NALF1: variants seen among roughly 807,000 people sequenced by gnomAD.
NALF1 encodes the protein family with sequence similarity 155 member A.
Under a neutral mutation model 48.4 loss-of-function variants are expected in NALF1, and 3 were observed. That is an observed-to-expected ratio of 0.06 (90% confidence interval 0.03 to 0.16). NALF1 has a LOEUF of 0.16. Ranked by LOEUF, NALF1 falls within the 10% of genes least tolerant of loss-of-function variation. The pLI, the probability that NALF1 is intolerant of heterozygous loss-of-function variation, is 1.00. For synonymous variants in NALF1, 262 were observed against 245.7 expected, an observed-to-expected ratio of 1.07 and a Z score of -0.62; for missense variants, 526 against 571.5, an observed-to-expected ratio of 0.92 and a Z score of 0.81.
At chr13:107,264,233 A>C (rs1170929292) in intron 1 of NALF1, among the ~76,000 whole-genome samples, 1 of 152,230 alleles carries the variant, frequency 6.6e-6, no homozygotes, top group African/African-American at 2.4e-5. Context: ...CTTAATAATT[A>C]TCATGGTCAT....
chr13:107,855,097 G>C (rs147051353), intron 1 of NALF1, among the ~76,000 whole-genome samples: 1 of 152,108 alleles, frequency 6.6e-6, no homozygotes, highest in Admixed American at 6.5e-5. Flanking sequence ...GAGGCGTTTC[G>C]CTGACAGAAA....
Position 107,440,932 on chromosome 13 carries a change from T to C in NALF1, c.916-230177A>G, listed in dbSNP as rs138987061. ...AAATAAACAAGACCGCCCCTCTCTTTAACCAAAGCAAGCTGGTCACGAGAT... is the reference window on the plus strand; with the variant it reads ...AAATAAACAAGACCGCCCCTCTCTTCAACCAAAGCAAGCTGGTCACGAGAT... On this transcript the variant is annotated intron_variant, in intron 1 of 2. Transcript: ENST00000375915. Among the ~76,000 whole-genome samples the C allele has an allele frequency of 7.0e-4, 107 of 152,288 alleles. No homozygotes were observed. In the South Asian group the frequency reaches 0.017, roughly 24 times the overall value.
chr13:107,482,999 C>T (rs1049588433), intron 1 of NALF1, among the ~76,000 whole-genome samples: 6 of 152,110 alleles, frequency 3.9e-5, no homozygotes, highest in South Asian at 2.1e-4. Flanking sequence ...CCCAGAATGA[C>T]GCAGCCCTGG....
At chr13:107,221,291 T>G (rs1594076597) in intron 1 of NALF1, among the ~76,000 whole-genome samples, 1 of 151,780 alleles carries the variant, frequency 6.6e-6, no homozygotes, top group Non-Finnish European at 1.5e-5. Flanking sequence ...ATTTAAAAAA[T>G]TCAAGGCCAG....
chr13:107,224,390 C>G (rs1226209467), intron 1 of NALF1, among the ~76,000 whole-genome samples: 1 of 149,866 alleles, frequency 6.7e-6, no homozygotes, highest in Non-Finnish European at 1.5e-5. Context: ...ATTGTATATA[C>G]AAATGATACC....
chr13:107,479,243 C>T (rs1434839788), intron 1 of NALF1, among the ~76,000 whole-genome samples: 2 of 152,094 alleles, frequency 1.3e-5, no homozygotes, highest in Admixed American at 6.6e-5. Flanking sequence ...TCTGCATTGG[C>T]AGTGCAAAGC....
intron 1 of NALF1, among the ~76,000 whole-genome samples, chr13:107,743,068 G>A (rs1456307297): frequency 6.6e-6 from 1 of 152,176 alleles, no homozygotes; most frequent in Non-Finnish European, 1.5e-5. Flanking sequence ...TAGGCTGGGA[G>A]GCCTGGGAGT....
chr13:107,584,778 G>A (rs943013125), intron 1 of NALF1, among the ~76,000 whole-genome samples: 7 of 152,082 alleles, frequency 4.6e-5, no homozygotes, highest in African/African-American at 9.7e-5. Context: ...CTCACTCCAC[G>A]TGAAGCCCAC....
chr13:107,285,947 A>T (rs1594104396), intron 1 of NALF1, among the ~76,000 whole-genome samples: 1 of 152,194 alleles, frequency 6.6e-6, no homozygotes, highest in Admixed American at 6.5e-5. Flanking sequence ...GCATTCTGGG[A>T]GTCCAAAATG....
At chr13:107,815,854 G>A (rs67946389) in intron 1 of NALF1, among the ~76,000 whole-genome samples, 12,998 of 152,062 alleles carry the variant, frequency 0.085, 845 homozygotes, top group East Asian at 0.39. Flanking sequence ...ATGGACCTTG[G>A]AAACATCAAG....
intron 1 of NALF1, among the ~76,000 whole-genome samples, chr13:107,423,157 T>G (rs1285369466): frequency 1.3e-5 from 2 of 152,226 alleles, no homozygotes; most frequent in Non-Finnish European, 2.9e-5. Context: ...TGTTCACATT[T>G]GGGATATGAA....
intron 1 of NALF1, among the ~76,000 whole-genome samples, chr13:107,479,220 A>G (rs1401553317): frequency 6.6e-6 from 1 of 152,080 alleles, no homozygotes; most frequent in Non-Finnish European, 1.5e-5. Flanking sequence ...GTTTTTCCTG[A>G]ACATTGGAAA....
At chr13:107,668,021 T>G (rs972052802) in intron 1 of NALF1, among the ~76,000 whole-genome samples, 1 of 152,134 alleles carries the variant, frequency 6.6e-6, no homozygotes, top group Non-Finnish European at 1.5e-5. Flanking sequence ...TGTGGAAATT[T>G]ATATCAATTA....
chr13:107,621,852 C>G (rs147670384), intron 1 of NALF1, among the ~76,000 whole-genome samples: 49 of 152,260 alleles, frequency 3.2e-4, no homozygotes, highest in African/African-American at 1.1e-3. Context: ...AAGCTTAAGT[C>G]TAGATAACTG....
intron 1 of NALF1, among the ~76,000 whole-genome samples, chr13:107,759,460 G>A (rs772293354): frequency 2.0e-5 from 3 of 152,022 alleles, no homozygotes; most frequent in Non-Finnish European, 4.4e-5. Flanking sequence ...CACCCACCTC[G>A]CCTTCCCACA....
rs536719411 is a variant in NALF1, at chr13:107,311,900, A to T, written c.916-101145T>A. Among the ~76,000 whole-genome samples, 3 of 152,284 alleles carry T rather than the reference A, an allele frequency of 2.0e-5. No individual in the cohort carries two copies. In the South Asian group the frequency reaches 6.2e-4, roughly 32 times the overall value. On this transcript the variant is annotated intron_variant, in intron 1 of 2. Coordinates refer to ENST00000375915, the MANE Select transcript of NALF1 (RefSeq NM_001080396.3). ...CCATCTCACACCAGTTAGAATGGCC[A>T]TCATTAAAAAGTCAGGAAACAACAG...
intron 1 of NALF1, among the ~76,000 whole-genome samples, chr13:107,708,940 A>G (rs1875484167): frequency 6.6e-6 from 1 of 152,118 alleles, no homozygotes; most frequent in South Asian, 2.1e-4. Flanking sequence ...TAACTAGCTC[A>G]TTTTTCCATT....
At chr13:107,519,958 A>G (rs1446559485) in intron 1 of NALF1, among the ~76,000 whole-genome samples, 1 of 152,214 alleles carries the variant, frequency 6.6e-6, no homozygotes, top group Non-Finnish European at 1.5e-5. Flanking sequence ...AATATCTTGC[A>G]TTAATTTTTA....
At chr13:107,186,242 T>C (rs1437754854) in intron 2 of NALF1, among the ~76,000 whole-genome samples, 1 of 152,148 alleles carries the variant, frequency 6.6e-6, no homozygotes, top group East Asian at 1.9e-4. Flanking sequence ...CCCACACAGA[T>C]GAGAGGGGAC....
Sources: allele counts gnomAD v4.1 joint callset (sites outside exome capture counted in the v4.1 genomes callset), GRCh38; gene constraint gnomAD v4.1.1; transcripts MANE v1.5; gene names NCBI Gene and HGNC (gene_info 2026-07-23, HGNC 2026-07-21).